Variants in RXFP1 observed in about 807,000 individuals in gnomAD.
RXFP1 encodes the protein relaxin receptor 1.
A neutral mutation model predicts 89.8 loss-of-function variants in RXFP1; 73 were observed. That is an observed-to-expected ratio of 0.81 (90% CI 0.67 to 0.99). The LOEUF (loss-of-function observed/expected upper bound fraction) is 0.99, where lower values mean the gene tolerates loss of function less well. Among genes scored for constraint, RXFP1 ranks in the 50% least tolerant of loss-of-function variants. The pLI, the probability that RXFP1 is intolerant of heterozygous loss-of-function variation, is 0.00. For missense variants in RXFP1, 793 were observed against 895.5 expected (o/e 0.89, Z 1.46); for synonymous variants, 277 against 305.5 (o/e 0.91, Z 0.97).
intron 5 of RXFP1, 81 bp downstream of exon 5, chr4:158,605,220 C>A: frequency 1.4e-6 from 1 of 718,074 alleles, no homozygotes; most frequent in Non-Finnish European, 2.4e-6. Context: ...CTGTGAACAC[C>A]AACACTATTC....
At chr4:158,622,174 G>A (rs539542428) in intron 9 of RXFP1, among the ~76,000 whole-genome samples, 6 of 152,286 alleles carry the variant, frequency 3.9e-5, no homozygotes, top group South Asian at 2.1e-4. Context: ...AGCCGGGCAT[G>A]GTGGCAGGCA....
intron 9 of RXFP1, among the ~76,000 whole-genome samples, chr4:158,618,255 A>G (rs943257335): frequency 5.3e-5 from 8 of 152,110 alleles, no homozygotes; most frequent in Non-Finnish European, 1.0e-4. Context: ...CTTAGTAATT[A>G]AACACAATTG....
At chr4:158,650,432 A>AATATATATATATATATAT (rs149845150) in intron 17 of RXFP1, among the ~76,000 whole-genome samples, 135 of 145,456 alleles carry the variant, frequency 9.3e-4, no homozygotes, top group African/African-American at 3.2e-3. Flanking sequence ...AATATATATA[A>AATATATATATATATATAT]ATATATATAT....
At chr4:158,594,183 T>C (rs1760075104) in intron 3 of RXFP1, among the ~76,000 whole-genome samples, 1 of 152,168 alleles carries the variant, frequency 6.6e-6, no homozygotes, top group Admixed American at 6.5e-5. Flanking sequence ...CCTCTGACAT[T>C]CCAGACATGG....
chr4:158,567,468 G>A (rs1461624734), intron 1 of RXFP1, among the ~76,000 whole-genome samples: 1 of 152,134 alleles, frequency 6.6e-6, no homozygotes, highest in Non-Finnish European at 1.5e-5. Context: ...ACACCAATCA[G>A]CACCCTGTGT....
intron 15 of RXFP1, among the ~76,000 whole-genome samples, chr4:158,645,990 T>A (rs1771470746): frequency 1.3e-5 from 2 of 152,206 alleles, no homozygotes; most frequent in Non-Finnish European, 2.9e-5. Flanking sequence ...AACTTCAGAG[T>A]TAAAGGCTTA....
intron 9 of RXFP1, among the ~76,000 whole-genome samples, chr4:158,618,841 A>G (rs1765080367): frequency 6.6e-6 from 1 of 152,130 alleles, no homozygotes; most frequent in African/African-American, 2.4e-5. Context: ...GCCACAATAA[A>G]AGTTGTAAAA....
At chr4:158,594,021 T>A (rs1024172497) in intron 3 of RXFP1, among the ~76,000 whole-genome samples, 4 of 152,216 alleles carry the variant, frequency 2.6e-5, no homozygotes, top group Admixed American at 2.6e-4. Flanking sequence ...AACTATAATA[T>A]TTTAGATCAG....
intron 15 of RXFP1, chr4:158,646,577 A>G: frequency 7.2e-7 from 1 of 1,383,116 alleles, no homozygotes; most frequent in Non-Finnish European, 9.3e-7. Context: ...TGATTGCATA[A>G]TTAACTGTAG....
In RXFP1 at chr4:158,624,324, G is replaced by A. The variant is rs1161937236; in HGVS notation, c.756-2496G>A. Among the ~76,000 whole-genome samples the A allele has an allele frequency of 2.6e-5, 4 of 152,256 alleles. No individual in the cohort carries two copies. The East Asian group carries it at 5.8e-4, about 22-fold the overall frequency. On this transcript the variant is annotated intron_variant, in intron 9 of 17. Transcript: ENST00000307765. Reference sequence around the variant, plus strand: ...TCACCTCAGTTTTCTCTGTGAAATAGGAGCCAGAAATGTAAAAGGTAGAGG... The same window carrying A: ...TCACCTCAGTTTTCTCTGTGAAATAAGAGCCAGAAATGTAAAAGGTAGAGG...
intron 2 of RXFP1, among the ~76,000 whole-genome samples, chr4:158,577,713 T>C (rs2150015313): frequency 6.6e-6 from 1 of 152,218 alleles, no homozygotes; most frequent in Middle Eastern, 3.4e-3. Flanking sequence ...AGAAATAAAA[T>C]TTAGGGATAT....
At chr4:158,554,948 A>C (rs1750968929) in intron 1 of RXFP1, among the ~76,000 whole-genome samples, 1 of 152,192 alleles carries the variant, frequency 6.6e-6, no homozygotes, top group Non-Finnish European at 1.5e-5. Context: ...TAAAGCTTAA[A>C]TAAACACAAT....
At chr4:158,607,939 A>AT (rs11393653) in intron 5 of RXFP1, 33 bp from the exon 6 acceptor site, 218,433 of 1,398,996 alleles carry the variant, frequency 0.16, 25,209 homozygotes, top group African/African-American at 0.68. Context: ...ACTCTGCTTC[A>AT]TTTTTTTTTC....
chr4:158,610,150 A>G (rs1342972717), intron 6 of RXFP1, among the ~76,000 whole-genome samples: 5 of 152,194 alleles, frequency 3.3e-5, no homozygotes, highest in African/African-American at 1.2e-4. Context: ...CTGTAGTCCC[A>G]GCTACTCAGG....
rs115142732 is a variant in RXFP1, at chr4:158,597,442, C to T, written c.287-1884C>T. Among the ~76,000 whole-genome samples the T allele has an allele frequency of 6.7e-3, 1,023 of 152,244 alleles. 12 individuals are homozygous for T. Among genetic ancestry groups the T allele is most frequent in the Non-Finnish European group, 0.011 (719 of 67,992 alleles). The stretch of plus-strand genomic sequence containing the variant: ...CCAGCATTAACTTGCTACTGCATTA[C>T]TCGTCTTTTTTTATTTTAACATAGT... On this transcript the variant is annotated intron_variant, in intron 3 of 17. Coordinates refer to ENST00000307765, the MANE Select transcript of RXFP1 (RefSeq NM_021634.4).
At chr4:158,644,714 C>T (rs899719288) in intron 14 of RXFP1, among the ~76,000 whole-genome samples, 195 bp from the exon 15 acceptor site, 2 of 152,226 alleles carry the variant, frequency 1.3e-5, no homozygotes, top group African/African-American at 4.8e-5. Context: ...CTCACCCACA[C>T]ATTCTTTAAC....
At chr4:158,533,247 A>G (rs1463163686) in intron 1 of RXFP1, among the ~76,000 whole-genome samples, 2 of 152,234 alleles carry the variant, frequency 1.3e-5, no homozygotes, top group African/African-American at 4.8e-5. Flanking sequence ...AAGCTTTGGA[A>G]TTTAAAGCCA....
At chr4:158,604,782 G>A (rs1762278325) in intron 4 of RXFP1, among the ~76,000 whole-genome samples, 2 of 151,976 alleles carry the variant, frequency 1.3e-5, no homozygotes, top group African/African-American at 4.8e-5. Flanking sequence ...ATACAAATAG[G>A]AAAGAAAAAC....
rs1176375907 is a variant in RXFP1 at position 158,633,477 on chromosome 4, G to T, written c.971+1G>T. 1 of 1,570,818 alleles carries T rather than the reference G, an allele frequency of 6.4e-7. No homozygotes were observed. On this transcript the variant is annotated splice_donor_variant, in intron 12 of 17. Coordinates refer to ENST00000307765, the MANE Select transcript of RXFP1 (RefSeq NM_021634.4). LOFTEE classifies it high-confidence loss of function. ...AGGACCTGAAGGAGCTGTCACAATT[G>T]TAAGACTGATGTTAATTTTGCCACC...
Sources: gnomAD v4.1 joint callset for allele counts (sites outside exome capture counted in the v4.1 genomes callset) on GRCh38, gnomAD v4.1.1 for gene constraint, MANE v1.5 for transcripts, NCBI Gene and HGNC (gene_info 2026-07-23, HGNC 2026-07-21) for gene names.